The following CDHR5 variants were observed in gnomAD, a reference collection of about 807,000 sequenced individuals.
The protein encoded by CDHR5 is cadherin related family member 5.
CDHR5 carries 82 observed loss-of-function variants against 69.5 expected under a neutral mutation model. The observed-to-expected ratio is 1.18, with a 90% confidence interval of 0.99 to 1.42. The LOEUF (loss-of-function observed/expected upper bound fraction) is 1.42. CDHR5 is among the 40% of genes most tolerant of loss of function. CDHR5 has a pLI of 0.00. For missense variants in CDHR5, 1,293 were observed against 1,168.9 expected (o/e 1.11, Z -1.55); for synonymous variants, 601 against 510.2 (o/e 1.18, Z -2.40).
Position 624,840 on chromosome 11 carries a change from C to T in CDHR5, c.63G>A (p.Pro21=), listed in dbSNP as rs145835522. The T allele has an allele frequency of 2.3e-4, 371 of 1,603,520 alleles. No individual in the cohort carries two copies. The African/African-American group carries it at 4.0e-3, about 17-fold the overall frequency. Residue 21 remains proline, a synonymous_variant, in exon 1 of 15, where the codon CCG becomes CCA. Transcript: ENST00000397542. The surrounding 1 kb of genome is among the most constrained non-coding windows in gnomAD (Gnocchi z 5.3). ...TACACTGGGCCTGGGCCATGGTCCCCGGGGGTCGGACGAGCAGCCCGGTGA... is the reference window on the plus strand; with the variant it reads ...TACACTGGGCCTGGGCCATGGTCCCTGGGGGTCGGACGAGCAGCCCGGTGA... The part of the protein sequence containing the change: ...LLFTGLLVRP[P]GTMAQAQYCS...
At chr11:622,917 C>G (rs12803792) in intron 3 of CDHR5, among the ~76,000 whole-genome samples, 2 of 152,178 alleles carry the variant, frequency 1.3e-5, no homozygotes, top group African/African-American at 4.8e-5. Context: ...TGAATCAGGG[C>G]CCACATTATG....
chr11:620,041 G>T, intron 9 of CDHR5, 26 bp downstream of exon 9: 1 of 1,510,874 alleles, frequency 6.6e-7, no homozygotes, highest in Non-Finnish European at 9.0e-7. Flanking sequence ...CCTCTGCCCT[G>T]CCCCCCATGC....
intron 3 of CDHR5, among the ~76,000 whole-genome samples, chr11:623,897 G>A (rs547547816): frequency 6.6e-6 from 1 of 152,252 alleles, no homozygotes; most frequent in East Asian, 1.9e-4. Flanking sequence ...GGGGACACGT[G>A]GGGAGGGAGG....
At position 622,000 on chromosome 11, in the gene CDHR5, C is replaced by G; in HGVS notation, c.313-96G>C. 1.1e-6 allele frequency: 1 copy of G among 898,046 alleles called. No homozygotes were observed. Among genetic ancestry groups the G allele is most frequent in the Non-Finnish European group, 1.7e-6 (1 of 581,644 alleles). 55.6% of individuals were successfully genotyped at this position (898,046 alleles called of 1,614,324 possible). A position where few individuals can be genotyped will look rare whatever the true frequency, so the allele number is the denominator to read the frequency against. On this transcript the variant is annotated intron_variant, in intron 3 of 14. Coordinates refer to ENST00000397542, the MANE Select transcript of CDHR5 (RefSeq NM_021924.5). The surrounding 1 kb of genome is among the most constrained non-coding windows in gnomAD (Gnocchi z 4.4). ...CGTCCCCACCGTGAGTGAGGTGCACCCCTCAACGGCCACCTGTCCCCGCCC... is the reference window on the plus strand; with the variant it reads ...CGTCCCCACCGTGAGTGAGGTGCACGCCTCAACGGCCACCTGTCCCCGCCC...
In CDHR5 at chr11:624,897, C is replaced by A; in HGVS notation, c.6G>T (p.Gly2=). 6.4e-7 allele frequency: 1 copy of A among 1,555,500 alleles called. No individual in the cohort carries two copies. The highest frequency in any genetic ancestry group is 8.7e-7 in the Non-Finnish European group (1 of 1,152,802). ...GGGGAGGCCACAGCAGGGCCCAAGA[C>A]CCCATCTTGGCGGCTGTCACCTGGC... M[G]SWALLWPPLL... Residue 2 remains glycine (G), a synonymous_variant, in exon 1 of 15, where the codon GGG becomes GGT. Transcript: ENST00000397542. The surrounding 1 kb of genome is among the most constrained non-coding windows in gnomAD (Gnocchi z 5.3).
chr11:618,717 G>A lies in CDHR5; in HGVS notation c.1842C>T (p.Pro614=), dbSNP rs891919493. ...TPEAGTSQPM[P]PGMGTSTSHQ... is the part of the protein sequence containing the mutation. ...GGGAGGTGCTGGTTCCCATACCGGG[G>A]GGCATCGGCTGAGAGGTTCCTGCCT... Residue 614 remains proline, a synonymous_variant, in exon 13 of 15, where the codon CCC becomes CCT. Coordinates refer to ENST00000397542, the MANE Select transcript of CDHR5 (RefSeq NM_021924.5). 3.1e-6 allele frequency: 5 copies of A among 1,589,458 alleles called. No homozygotes were observed. The African/African-American group carries it at 5.6e-5, about 18-fold the overall frequency.
chr11:618,697 G>GT lies in CDHR5; in HGVS notation c.1861dup (p.Thr621AsnfsTer94). The GT allele has an allele frequency of 1.3e-6, 2 of 1,589,316 alleles. No homozygotes were observed. The highest frequency in any genetic ancestry group is 1.7e-6 in the Non-Finnish European group (2 of 1,166,970). On this transcript the variant is annotated frameshift_variant, in exon 13 of 15. Transcript: ENST00000397542. LOFTEE classifies it high-confidence loss of function. ...ACCGGGTGTGGTTGGTTGGTGGGAG[G>GT]TGCTGGTTCCCATACCGGGGGGCAT...
At chr11:617,910 C>T (rs1564892245) in intron 14 of CDHR5, 44 bp downstream of exon 14, 10 of 1,595,258 alleles carry the variant, frequency 6.3e-6, no homozygotes, top group Non-Finnish European at 8.5e-6. Context: ...CCGTCCCCCA[C>T]TTCCTGCCTG....
rs1192720036 is a variant in CDHR5, at chr11:616,722, A to T, written c.*629T>A. ...CGAGGGGAATGTGTCTCTCACCCCTAGGCCTCCTGGTCTGGCTCCTGCTCA... is the reference window on the plus strand; with the variant it reads ...CGAGGGGAATGTGTCTCTCACCCCTTGGCCTCCTGGTCTGGCTCCTGCTCA... On this transcript the variant is annotated 3_prime_UTR_variant, in exon 15 of 15. Coordinates refer to ENST00000397542, the MANE Select transcript of CDHR5 (RefSeq NM_021924.5). 4 of 155,024 alleles carry T rather than the reference A, an allele frequency of 2.6e-5. No individual in the cohort carries two copies. The highest frequency in any genetic ancestry group is 5.8e-5 in the Non-Finnish European group (4 of 68,586). 9.6% of individuals were successfully genotyped at this position (155,024 alleles called of 1,614,324 possible).
chr11:621,896 C>A lies in CDHR5; in HGVS notation c.321G>T (p.Gln107His), dbSNP rs1476493065. ...CCAGCACTGACACGAACACCCTTAG[C>A]TGGGTCACCTGCAGGATGTGGCCGT... is the stretch of plus-strand genomic sequence containing the variant. ...LCQSGGTLVTQLRVFVSVLDV... is the reference protein window; with the variant it reads ...LCQSGGTLVTHLRVFVSVLDV... The change falls in exon 4 of 15, where the codon CAG becomes CAT. Residue 107 changes from glutamine (Q) to histidine (H), a missense_variant. By Grantham distance (24) the Gln-to-His change is conservative (BLOSUM62 0). Transcript: ENST00000397542. The surrounding 1 kb of genome is among the most constrained non-coding windows in gnomAD (Gnocchi z 4.4). The A allele has an allele frequency of 1.9e-6, 3 of 1,612,642 alleles. No individual in the cohort carries two copies. In the East Asian group the frequency reaches 6.7e-5, roughly 36 times the overall value.
chr11:624,486 G>A lies in CDHR5; in HGVS notation c.261+71C>T, dbSNP rs894245103. 4.1e-6 allele frequency: 6 copies of A among 1,466,836 alleles called. No individual in the cohort carries two copies. Among genetic ancestry groups the A allele is most frequent in the Admixed American group, 1.7e-5 (1 of 59,702 alleles). 90.9% of individuals were successfully genotyped at this position (1,466,836 alleles called of 1,614,324 possible). On this transcript the variant is annotated intron_variant, in intron 2 of 14. Transcript: ENST00000397542. The surrounding 1 kb of genome is among the most constrained non-coding windows in gnomAD (Gnocchi z 5.3). ...GGCATAGAACTCCTAGGCCCCCAAG[G>A]GAGGTGTGGCCTGAGGATGCAGGTG...
Position 617,319 on chromosome 11 carries a change from C to T in CDHR5, c.*32G>A, listed in dbSNP as rs1176463189. On this transcript the variant is annotated 3_prime_UTR_variant, in exon 15 of 15. Transcript: ENST00000397542. ...CTGGGGGAGCGAGACCTCCAGTGCC[C>T]GTGCGGCTGGGGGAGAGGGTGGAGG... The T allele has an allele frequency of 3.3e-6, 5 of 1,518,290 alleles. No individual in the cohort carries two copies. Among genetic ancestry groups the T allele is most frequent in the Non-Finnish European group, 4.5e-6 (5 of 1,108,356 alleles). 94.1% of individuals were successfully genotyped at this position (1,518,290 alleles called of 1,614,324 possible).
rs1451984775 is a variant in CDHR5 at position 617,614 on chromosome 11, G to A, written c.2275C>T (p.Pro759Ser). ...GCTCGGGCCGCTGCGGGGGGCTCAG[G>A]GGCACCGCCTGGGGAGGCAGGGCCG... ...PPGPASPGGA[P>S]EPPAAARAGG... Residue 759 changes from proline to serine, a missense_variant, in exon 15 of 15, where the codon CCT (proline) becomes TCT (serine). Pro to Ser is a moderately conservative substitution (Grantham distance 74). Transcript: ENST00000397542. The A allele has an allele frequency of 3.8e-6, 6 of 1,599,710 alleles. No individual in the cohort carries two copies. The highest frequency in any genetic ancestry group is 1.1e-5 in the South Asian group (1 of 90,212).
intron 11 of CDHR5, 40 bp downstream of exon 11, chr11:619,434 C>A: frequency 6.2e-7 from 1 of 1,605,976 alleles, no homozygotes; most frequent in Non-Finnish European, 8.5e-7. Context: ...CATCTTTAAG[C>A]CCCACACCCT....
At chr11:622,591 T>C (rs1412043134) in intron 3 of CDHR5, among the ~76,000 whole-genome samples, 1 of 152,020 alleles carries the variant, frequency 6.6e-6, no homozygotes, top group Non-Finnish European at 1.5e-5. Context: ...TCTGCCCACC[T>C]CGGCCTCCCA....
rs1477921810 is a variant in CDHR5 at position 619,544 on chromosome 11, T to C, written c.1223A>G (p.His408Arg). 1.2e-6 allele frequency: 2 copies of C among 1,613,854 alleles called. No individual in the cohort carries two copies. The highest frequency in any genetic ancestry group is 1.1e-5 in the South Asian group (1 of 91,080). Residue 408 changes from histidine to arginine, a missense_variant, in exon 11 of 15, where the codon CAC (histidine) becomes CGC (arginine). Transcript: ENST00000397542. ...AITYRITNHS[H>R]FRMEGEVVLT... ...CACAACCTCTCCCTCCATCCGGAAG[T>C]GTGAGTGGTTGGTAATTCGATATGT...
In CDHR5 at chr11:619,378, T is replaced by C; in HGVS notation, c.1306A>G (p.Asn436Asp). Residue 436 changes from asparagine (N) to aspartate (D), a missense_variant, in exon 12 of 15, where the codon AAC (asparagine) becomes GAC (aspartate). By Grantham distance (23) the Asn-to-Asp change is conservative. Transcript: ENST00000397542. ...GTTGCGGTGCCAGAGGTCACCGTGT[T>C]GTGGGCCTCAACCTGGGGCAGGAAG... Reference protein sequence around the residue: ...GAFYAEVEAHNTVTSGTATTV... With the variant: ...GAFYAEVEAHDTVTSGTATTV... 6.2e-7 allele frequency: 1 copy of C among 1,613,714 alleles called. No individual in the cohort carries two copies. The highest frequency in any genetic ancestry group is 8.5e-7 in the Non-Finnish European group (1 of 1,179,786).
rs763548190 is a variant in CDHR5, at chr11:619,546, T to G, written c.1221A>C (p.Ser407=). The G allele has an allele frequency of 9.9e-6, 16 of 1,613,728 alleles. No individual in the cohort carries two copies. In the South Asian group the frequency reaches 1.8e-4, roughly 18 times the overall value. ...SAITYRITNH[S]HFRMEGEVVL... is the part of the protein sequence containing the mutation. ...CAACCTCTCCCTCCATCCGGAAGTG[T>G]GAGTGGTTGGTAATTCGATATGTGA... is the stretch of plus-strand genomic sequence containing the variant. The change falls in exon 11 of 15, where the codon TCA becomes TCC. Residue 407 remains serine (S), a synonymous_variant. Coordinates refer to ENST00000397542, the MANE Select transcript of CDHR5 (RefSeq NM_021924.5).
rs754840089 is a variant in CDHR5, at chr11:624,464, A to G, written c.261+93T>C. On this transcript the variant is annotated intron_variant, in intron 2 of 14. Coordinates refer to ENST00000397542, the MANE Select transcript of CDHR5 (RefSeq NM_021924.5). This position sits in a 1 kb window ranked among gnomAD's most constrained non-coding sequence, Gnocchi z 5.3. ...TGGGTGTCAGTGGATGCCCGCAGGC[A>G]TAGAACTCCTAGGCCCCCAAGGGAG... 8.4e-6 allele frequency: 11 copies of G among 1,309,960 alleles called. No individual in the cohort carries two copies. The highest frequency in any genetic ancestry group is 2.2e-6 in the Non-Finnish European group (2 of 905,752). The allele number at this position is 1,309,960 out of a possible 1,614,324, so 81.1% of individuals were successfully genotyped here.
Sources: allele counts gnomAD v4.1 joint callset (sites outside exome capture counted in the v4.1 genomes callset), GRCh38; gene constraint gnomAD v4.1.1; non-coding constraint Gnocchi (gnomAD v3.1); transcripts MANE v1.5; gene names NCBI Gene and HGNC (gene_info 2026-07-23, HGNC 2026-07-21).